Variants in SMIM14 observed in about 807,000 individuals in gnomAD.
SMIM14 encodes small integral membrane protein 14.
A neutral mutation model predicts 12.6 loss-of-function variants in SMIM14; 5 were observed. The ratio of observed to expected loss-of-function variants is 0.40; its 90% CI spans 0.21 to 0.83. SMIM14 has a LOEUF of 0.83. Ranked by LOEUF, SMIM14 falls within the 40% of genes least tolerant of loss-of-function variation. SMIM14 has a pLI of 0.37. For synonymous variants in SMIM14, 30 were observed against 40.1 expected (o/e 0.75, Z 0.95); for missense variants, 86 against 119.1 (o/e 0.72, Z 1.29).
chr4:39,625,495 G>A (rs1715661327), intron 1 of SMIM14, among the ~76,000 whole-genome samples: 1 of 151,762 alleles, frequency 6.6e-6, no homozygotes, highest in Admixed American at 6.6e-5. Flanking sequence ...AGGCTGGAGT[G>A]CAGTGGCGCA....
At chr4:39,596,641 A>C (rs1714376572) in intron 2 of SMIM14, among the ~76,000 whole-genome samples, 1 of 152,138 alleles carries the variant, frequency 6.6e-6, no homozygotes, top group Admixed American at 6.6e-5. Context: ...CCACTGTTTG[A>C]GGTATATCCC....
chr4:39,578,991 T>TC (rs1248711700), intron 2 of SMIM14, among the ~76,000 whole-genome samples: 4 of 93,572 alleles, frequency 4.3e-5, no homozygotes, highest in Admixed American at 1.4e-4. Flanking sequence ...AGTGAGACTG[T>TC]CAAAAAAAAA....
chr4:39,623,792 G>A (rs538790498), intron 1 of SMIM14, among the ~76,000 whole-genome samples: 1 of 152,260 alleles, frequency 6.6e-6, no homozygotes, highest in South Asian at 2.1e-4. Context: ...AACCCAGGAG[G>A]CAGAGGTTGC....
At chr4:39,587,481 G>C (rs1208657169) in intron 2 of SMIM14, among the ~76,000 whole-genome samples, 1 of 119,538 alleles carries the variant, frequency 8.4e-6, no homozygotes, top group Non-Finnish European at 1.6e-5. Flanking sequence ...GGGAGACAGA[G>C]TGAGGCTCCA....
intron 1 of SMIM14, among the ~76,000 whole-genome samples, chr4:39,628,720 C>CT (rs541461723): frequency 0.1 from 13,789 of 135,062 alleles, 866 homozygotes; most frequent in South Asian, 0.23. Flanking sequence ...AAATGTTTTT[C>CT]TTTTTTTTTT....
chr4:39,571,200 G>A (rs371271984), intron 3 of SMIM14, among the ~76,000 whole-genome samples: 5 of 152,088 alleles, frequency 3.3e-5, no homozygotes, highest in South Asian at 2.1e-4. Context: ...TCTCTGATGC[G>A]CATGTTAATG....
At chr4:39,614,931 T>C (rs922529292) in intron 1 of SMIM14, among the ~76,000 whole-genome samples, 47 of 152,174 alleles carry the variant, frequency 3.1e-4, no homozygotes, top group African/African-American at 1.1e-3. Flanking sequence ...CTGGTAGGGA[T>C]TGGCAGTAAT....
intron 1 of SMIM14, 31 bp from the exon 2 acceptor site, chr4:39,605,211 T>C (rs951864740): frequency 7.7e-5 from 98 of 1,270,306 alleles, no homozygotes; most frequent in Non-Finnish European, 1.1e-4. Context: ...CTGTTAAGTC[T>C]ACAATTCAGA....
At chr4:39,556,739 T>C (rs1712035816) in intron 3 of SMIM14, among the ~76,000 whole-genome samples, 169 bp from the exon 4 acceptor site, 1 of 152,254 alleles carries the variant, frequency 6.6e-6, no homozygotes, top group Non-Finnish European at 1.5e-5. Context: ...TGAGAACATC[T>C]AAAAAGTAAA....
At chr4:39,618,726 A>G (rs1365398892) in intron 1 of SMIM14, among the ~76,000 whole-genome samples, 1 of 150,024 alleles carries the variant, frequency 6.7e-6, no homozygotes, top group Non-Finnish European at 1.5e-5. Flanking sequence ...TCTTTTACCC[A>G]CTCTCACTGA....
intron 1 of SMIM14, among the ~76,000 whole-genome samples, chr4:39,637,966 G>C (rs776833105): frequency 3.3e-5 from 5 of 152,198 alleles, no homozygotes; most frequent in Non-Finnish European, 5.9e-5. Context: ...TAAGGCCACA[G>C]CCTCGGTTTT....
In SMIM14 at chr4:39,552,125, G is replaced by C. The variant is rs1244222486; in HGVS notation, c.*1C>G. 6.3e-7 allele frequency: 1 copy of C among 1,595,942 alleles called. No individual in the cohort carries two copies. Among genetic ancestry groups the C allele is most frequent in the Non-Finnish European group, 8.5e-7 (1 of 1,171,032 alleles). On this transcript the variant is annotated 3_prime_UTR_variant, in exon 5 of 5. Transcript: ENST00000295958. Reference sequence around the variant, plus strand: ...CTATTTTCACTTCCCATATCACAAAGTTAGTCCACAGGAGGAGCTGGTGGA... The same window carrying C: ...CTATTTTCACTTCCCATATCACAAACTTAGTCCACAGGAGGAGCTGGTGGA...
At chr4:39,595,621 T>C (rs1005574282) in intron 2 of SMIM14, among the ~76,000 whole-genome samples, 10 of 151,590 alleles carry the variant, frequency 6.6e-5, no homozygotes, top group Non-Finnish European at 1.2e-4. Flanking sequence ...TTTTTTTTTT[T>C]TTTTTGAGAC....
rs113395186 is a variant in SMIM14, at chr4:39,635,375, A to G, written c.-36+3364T>C. ...TGGTAGAGTTTGGATTTTATTCTGAATATGGATGGAAAACTTTCAACAAGG... is the reference window on the plus strand; with the variant it reads ...TGGTAGAGTTTGGATTTTATTCTGAGTATGGATGGAAAACTTTCAACAAGG... On this transcript the variant is annotated intron_variant, in intron 1 of 4. Coordinates refer to ENST00000295958, the MANE Select transcript of SMIM14 (RefSeq NM_174921.3). Among the ~76,000 whole-genome samples, 134 of 152,352 alleles carry G rather than the reference A, an allele frequency of 8.8e-4. 1 individual carries two copies. Among genetic ancestry groups the G allele is most frequent in the African/African-American group, 3.1e-3 (129 of 41,578 alleles).
chr4:39,636,881 AATG>A (rs1445512180), intron 1 of SMIM14, among the ~76,000 whole-genome samples: 1 of 152,210 alleles, frequency 6.6e-6, no homozygotes, highest in Non-Finnish European at 1.5e-5. Context: ...AAGTTATGTG[AATG>A]TGGTCTCTGA....
At chr4:39,611,827 G>A (rs372929414) in intron 1 of SMIM14, 5 of 152,280 alleles carry the variant, frequency 3.3e-5, no homozygotes, top group African/African-American at 1.2e-4. Flanking sequence ...ATGAGTACAT[G>A]AGATCCTATA....
chr4:39,559,887 C>T (rs1363793020), intron 3 of SMIM14, among the ~76,000 whole-genome samples: 7 of 151,654 alleles, frequency 4.6e-5, no homozygotes, highest in Admixed American at 1.3e-4. Flanking sequence ...GAGGCCAAGG[C>T]GGGCAGATCC....
intron 3 of SMIM14, among the ~76,000 whole-genome samples, chr4:39,569,562 CTTT>C (rs1393419531): frequency 6.6e-6 from 1 of 151,924 alleles, no homozygotes; most frequent in East Asian, 1.9e-4. Context: ...CAAAATATGC[CTTT>C]TTGACATAGA....
chr4:39,584,180 T>A (rs1344780061), intron 2 of SMIM14, among the ~76,000 whole-genome samples: 1 of 151,858 alleles, frequency 6.6e-6, no homozygotes, highest in Non-Finnish European at 1.5e-5. Flanking sequence ...TATGCAGTAC[T>A]CCATAATGAA....
Sources: allele counts gnomAD v4.1 joint callset (sites outside exome capture counted in the v4.1 genomes callset), GRCh38; gene constraint gnomAD v4.1.1; transcripts MANE v1.5; gene names NCBI Gene and HGNC (gene_info 2026-07-23, HGNC 2026-07-21).